Variants in PCMT1 observed in about 807,000 individuals in gnomAD.
PCMT1 encodes the protein protein-L-isoaspartate (D-aspartate) O-methyltransferase.
Under a neutral mutation model 29.2 loss-of-function variants are expected in PCMT1, and 9 were observed. The observed-to-expected ratio is 0.31, with a 90% CI of 0.19 to 0.54. The LOEUF is 0.54. Ranked by LOEUF, PCMT1 falls within the 20% of genes least tolerant of loss-of-function variation. PCMT1 has a pLI of 0.95. For synonymous variants in PCMT1, 98 were observed against 97.5 expected, an observed-to-expected ratio of 1.00 and a Z score of -0.03; for missense variants, 184 against 282.2, an observed-to-expected ratio of 0.65 and a Z score of 2.49.
rs1344649424 is a variant in PCMT1, at chr6:149,786,401, G to A, written c.193-3553G>A. 3.7e-5 allele frequency among the ~76,000 whole-genome samples: 5 copies of A among 133,648 alleles called. 1 individual carries two copies. Among genetic ancestry groups the A allele is most frequent in the Non-Finnish European group, 6.4e-5 (4 of 62,746 alleles). The allele number at this position is 133,648 out of a possible 152,430, so 87.7% of individuals were successfully genotyped here. On this transcript the variant is annotated intron_variant, in intron 3 of 7. Coordinates refer to ENST00000464889, the MANE Select transcript of PCMT1 (RefSeq NM_001360452.2). ...CACCTCCCTCCCGGACGGGGTGGCT[G>A]GCCGGGCGGGGGCTGACCCCCCACC... is the stretch of plus-strand genomic sequence containing the variant.
intron 3 of PCMT1, among the ~76,000 whole-genome samples, chr6:149,788,354 T>C (rs1788213069): frequency 6.6e-6 from 1 of 152,258 alleles, no homozygotes; most frequent in South Asian, 2.1e-4. Flanking sequence ...CTGATAATAT[T>C]CCTTATAGGA....
chr6:149,749,994 C>CA (rs778543743), intron 1 of PCMT1, 38 bp downstream of exon 1: 1 of 1,586,536 alleles, frequency 6.3e-7, no homozygotes, highest in Non-Finnish European at 8.6e-7. Flanking sequence ...GCAGCTGGGG[C>CA]AGGCTGGGCC....
At chr6:149,750,230 A>T in intron 1 of PCMT1, 2 of 530,066 alleles carry the variant, frequency 3.8e-6, no homozygotes, top group South Asian at 4.9e-5. Flanking sequence ...GCCCTGGGGG[A>T]GGGAGTGCAG....
rs1045631026 is a variant in PCMT1, at chr6:149,763,274, ATATC to A, written c.56-7884_56-7881del. 3.3e-4 allele frequency among the ~76,000 whole-genome samples: 28 copies of A among 85,608 alleles called. 6 individuals carry two copies. Among genetic ancestry groups the A allele is most frequent in the Non-Finnish European group, 4.9e-4 (26 of 53,238 alleles). The allele number at this position is 85,608 out of a possible 152,430, so 56.2% of individuals were successfully genotyped here. Reference sequence around the variant, plus strand: ...TATATCTATGATATCTATGATATAAATATCTATGATATCTATGATATATATATCT... The same window carrying A: ...TATATCTATGATATCTATGATATAAATATGATATCTATGATATATATATCT... On this transcript the variant is annotated intron_variant, in intron 1 of 7. Transcript: ENST00000464889.
At chr6:149,769,942 C>A (rs1160872307) in intron 1 of PCMT1, among the ~76,000 whole-genome samples, 1 of 152,058 alleles carries the variant, frequency 6.6e-6, no homozygotes, top group African/African-American at 2.4e-5. Context: ...TATTATTGAT[C>A]TTGCTTTCCT....
intron 3 of PCMT1, among the ~76,000 whole-genome samples, chr6:149,781,661 A>G (rs1450065699): frequency 6.6e-6 from 1 of 152,116 alleles, no homozygotes; most frequent in East Asian, 1.9e-4. Flanking sequence ...TGGCCTCTTG[A>G]CCATTTCTTA....
chr6:149,809,475 T>TA (rs1776105500), intron 7 of PCMT1, among the ~76,000 whole-genome samples: 3 of 152,198 alleles, frequency 2.0e-5, no homozygotes, highest in African/African-American at 7.2e-5. Flanking sequence ...GAAGCAGACT[T>TA]ATGATTTGTC....
At chr6:149,806,720 A>C (rs1776025416) in intron 7 of PCMT1, among the ~76,000 whole-genome samples, 1 of 151,974 alleles carries the variant, frequency 6.6e-6, no homozygotes, top group Admixed American at 6.6e-5. Flanking sequence ...CCTTCTGAGT[A>C]GCTGGGACCA....
chr6:149,774,356 C>T (rs184751004), intron 3 of PCMT1, among the ~76,000 whole-genome samples: 3 of 151,594 alleles, frequency 2.0e-5, no homozygotes, highest in Admixed American at 2.0e-4. Context: ...TCTCCTGCCT[C>T]AGCCTCCTGA....
intron 1 of PCMT1, among the ~76,000 whole-genome samples, chr6:149,767,300 TCCTCCTA>T (rs921304721): frequency 2.6e-5 from 4 of 151,072 alleles, no homozygotes; most frequent in African/African-American, 4.9e-5. Flanking sequence ...GCTCAAGTGA[TCCTCCTA>T]CCTTGGCCTC....
chr6:149,769,308 C>CGTTTTTTTTTTTTTTTTT (rs1787214060), intron 1 of PCMT1, among the ~76,000 whole-genome samples: 1 of 71,562 alleles, frequency 1.4e-5, no homozygotes, highest in East Asian at 8.7e-4. Context: ...GTGCAGGATT[C>CGTTTTTTTTTTTTTTTTT]TTTTTTTTTT....
rs1312941466 is a variant in PCMT1, at chr6:149,762,627, GAT to G, written c.56-8524_56-8523del. 4.0e-3 allele frequency among the ~76,000 whole-genome samples: 28 copies of G among 6,954 alleles called. 2 individuals carry two copies. Among genetic ancestry groups the G allele is most frequent in the Admixed American group, 0.015 (4 of 270 alleles). The allele number at this position is 6,954 out of a possible 152,430, so 4.6% of individuals were successfully genotyped here. ...ATATCTATGATATATATATATCTAT[GAT>G]ATATATATATCTATGATATATATAT... On this transcript the variant is annotated intron_variant, in intron 1 of 7. Coordinates refer to ENST00000464889, the MANE Select transcript of PCMT1 (RefSeq NM_001360452.2).
chr6:149,802,118 G>T, intron 6 of PCMT1, 82 bp from the exon 7 acceptor site: 1 of 996,986 alleles, frequency 1.0e-6, no homozygotes, highest in South Asian at 1.8e-5. Flanking sequence ...GACAGAGTGA[G>T]ACCCTGTCTC....
chr6:149,793,810 T>C (rs1788486341), intron 5 of PCMT1, 141 bp downstream of exon 5: 1 of 697,076 alleles, frequency 1.4e-6, no homozygotes, highest in African/African-American at 1.9e-5. Flanking sequence ...AAAACGATTA[T>C]TTTTGCTCAC....
chr6:149,761,178 T>TAC (rs77058597), intron 1 of PCMT1, among the ~76,000 whole-genome samples: 64,328 of 148,642 alleles, frequency 0.43, 14,598 homozygotes, highest in East Asian at 0.81. Flanking sequence ...AAACATGAAA[T>TAC]ACACACACAC....
intron 1 of PCMT1, among the ~76,000 whole-genome samples, chr6:149,768,929 C>T (rs932282201): frequency 6.6e-6 from 1 of 152,004 alleles, no homozygotes; most frequent in African/African-American, 2.4e-5. Context: ...GCCAGCCTGG[C>T]TAATTATTTT....
chr6:149,779,185 C>G (rs1177027788), intron 3 of PCMT1, among the ~76,000 whole-genome samples: 1 of 152,074 alleles, frequency 6.6e-6, no homozygotes, highest in Admixed American at 6.6e-5. Context: ...CTCCCTAGCT[C>G]GGCTGTAAAG....
chr6:149,810,794 C>A lies in PCMT1; in HGVS notation c.*216C>A. ...TAGGGTTTCTGATTCTTCAAAGAGG[C>A]ACAGAGCCAAATTGGTAGAGGAAGG... On this transcript the variant is annotated 3_prime_UTR_variant, in exon 8 of 8. Coordinates refer to ENST00000464889, the MANE Select transcript of PCMT1 (RefSeq NM_001360452.2). The A allele has an allele frequency of 2.0e-6, 1 of 508,062 alleles. No homozygotes were observed. Among genetic ancestry groups the A allele is most frequent in the Non-Finnish European group, 3.4e-6 (1 of 291,278 alleles). 31.5% of individuals were successfully genotyped at this position (508,062 alleles called of 1,614,324 possible). A position where few individuals can be genotyped will look rare whatever the true frequency, so the allele number is the denominator to read the frequency against.
intron 3 of PCMT1, among the ~76,000 whole-genome samples, chr6:149,779,325 G>T (rs148404820): frequency 6.6e-6 from 1 of 152,116 alleles, no homozygotes; most frequent in African/African-American, 2.4e-5. Context: ...CCTGCAGCAC[G>T]TAACTCCCTA....
Sources: gnomAD v4.1 joint callset for allele counts (sites outside exome capture counted in the v4.1 genomes callset) on GRCh38, gnomAD v4.1.1 for gene constraint, MANE v1.5 for transcripts, NCBI Gene and HGNC (gene_info 2026-07-23, HGNC 2026-07-21) for gene names.